Variants in ZNF385D observed in about 807,000 individuals in gnomAD.
ZNF385D encodes zinc finger protein 385D.
A neutral mutation model predicts 35.8 loss-of-function variants in ZNF385D; 15 were observed. The ratio of observed to expected loss-of-function variants is 0.42; its 90% CI spans 0.28 to 0.64. The LOEUF is 0.64. Ranked by LOEUF, ZNF385D falls within the 30% of genes least tolerant of loss-of-function variation. The pLI is 0.23. For missense variants in ZNF385D, 474 were observed against 494.6 expected (o/e 0.96, Z 0.39); for synonymous variants, 212 against 186.8 (o/e 1.13, Z -1.10).
chr3:21,804,172 A>G (rs564014854), intron 3 of ZNF385D, among the ~76,000 whole-genome samples: 5 of 152,350 alleles, frequency 3.3e-5, no homozygotes, highest in African/African-American at 1.2e-4. Flanking sequence ...TTTGGGCACA[A>G]GTATGATGAA....
At chr3:22,307,226 G>A (rs962888494) in intron 2 of ZNF385D, among the ~76,000 whole-genome samples, 2 of 152,118 alleles carry the variant, frequency 1.3e-5, no homozygotes, top group Admixed American at 1.3e-4. Flanking sequence ...AAGTGTTTGA[G>A]AGTCAGTTTA....
At chr3:22,256,067 A>T (rs572249253) in intron 2 of ZNF385D, among the ~76,000 whole-genome samples, 2 of 151,850 alleles carry the variant, frequency 1.3e-5, no homozygotes, top group South Asian at 4.2e-4. Context: ...TTCCCAGTCT[A>T]CATCTTTCTC....
intron 2 of ZNF385D, among the ~76,000 whole-genome samples, chr3:22,232,813 A>G (rs1698973193): frequency 6.6e-6 from 1 of 152,172 alleles, no homozygotes; most frequent in Non-Finnish European, 1.5e-5. Context: ...CTACAAGGAA[A>G]ATCTAGGCCA....
intron 3 of ZNF385D, among the ~76,000 whole-genome samples, chr3:22,071,294 G>C (rs191319768): frequency 6.6e-6 from 1 of 152,088 alleles, no homozygotes; most frequent in Non-Finnish European, 1.5e-5. Context: ...CTGTCCCAAA[G>C]TTGAAATCTT....
intron 3 of ZNF385D, among the ~76,000 whole-genome samples, chr3:21,862,520 G>C (rs909942025): frequency 2.0e-5 from 3 of 152,058 alleles, no homozygotes; most frequent in African/African-American, 7.2e-5. Context: ...AAATAAGGAA[G>C]CCATGGCAAC....
intron 3 of ZNF385D, among the ~76,000 whole-genome samples, chr3:22,038,241 A>G (rs1698457709): frequency 6.6e-6 from 1 of 152,166 alleles, no homozygotes; most frequent in African/African-American, 2.4e-5. Flanking sequence ...TAAAACATTC[A>G]AGAAAGATAA....
At chr3:21,749,324 G>A (rs1363795454) in intron 1 of ZNF385D, among the ~76,000 whole-genome samples, 3 of 152,214 alleles carry the variant, frequency 2.0e-5, no homozygotes, top group Admixed American at 1.3e-4. Flanking sequence ...CAGCATGGAT[G>A]GCCTTTGACC....
intron 3 of ZNF385D, among the ~76,000 whole-genome samples, chr3:21,878,412 C>G (rs527446735): frequency 6.6e-6 from 1 of 152,096 alleles, no homozygotes; most frequent in South Asian, 2.1e-4. Context: ...AGTGCTACAG[C>G]AGTATGAAGG....
Position 22,274,180 on chromosome 3 carries a change from C to T in ZNF385D, c.106+98270G>A, listed in dbSNP as rs749802176. On this transcript the variant is annotated intron_variant, in intron 2 of 5. Transcript: ENST00000494108. ...TCCCTCCATTTTTAGTTCAACAAAACAAGTTCAATCAGAATATAGCACTTA... is the reference window on the plus strand; with the variant it reads ...TCCCTCCATTTTTAGTTCAACAAAATAAGTTCAATCAGAATATAGCACTTA... Among the ~76,000 whole-genome samples the T allele has an allele frequency of 5.9e-5, 9 of 151,810 alleles. 1 individual carries two copies. The South Asian group carries it at 1.7e-3, about 28-fold the overall frequency.
At chr3:21,670,780 C>T (rs1018277866) in intron 1 of ZNF385D, among the ~76,000 whole-genome samples, 1 of 150,006 alleles carries the variant, frequency 6.7e-6, no homozygotes, top group Admixed American at 6.7e-5. Context: ...CTTATACCCC[C>T]TCCCTCACTA....
chr3:21,886,906 A>G (rs955309723), intron 3 of ZNF385D, among the ~76,000 whole-genome samples: 4 of 152,102 alleles, frequency 2.6e-5, no homozygotes, highest in African/African-American at 7.2e-5. Context: ...CCCATTACAT[A>G]CTTTCATTCA....
chr3:22,182,864 A>T (rs910790056), intron 2 of ZNF385D, among the ~76,000 whole-genome samples: 2 of 152,086 alleles, frequency 1.3e-5, no homozygotes, highest in Non-Finnish European at 2.9e-5. Flanking sequence ...TTTCATATGT[A>T]GGAGACTTTA....
intron 4 of ZNF385D, among the ~76,000 whole-genome samples, chr3:21,450,774 T>A (rs1351423747): frequency 6.6e-6 from 1 of 152,188 alleles, no homozygotes; most frequent in Non-Finnish European, 1.5e-5. Flanking sequence ...GATATGTGCA[T>A]TTCTAGCACT....
At chr3:21,475,384 T>C (rs1360356671) in intron 4 of ZNF385D, among the ~76,000 whole-genome samples, 3 of 152,116 alleles carry the variant, frequency 2.0e-5, no homozygotes, top group Non-Finnish European at 4.4e-5. Context: ...TAATTTCATG[T>C]ATGAAATAAA....
chr3:21,863,872 A>G (rs971415378), intron 3 of ZNF385D, among the ~76,000 whole-genome samples: 5 of 152,144 alleles, frequency 3.3e-5, no homozygotes, highest in Non-Finnish European at 7.4e-5. Flanking sequence ...AAATATGAAC[A>G]TAATGAGTTT....
chr3:21,586,003 T>C (rs1242854530), intron 2 of ZNF385D, among the ~76,000 whole-genome samples: 2 of 149,292 alleles, frequency 1.3e-5, no homozygotes, highest in South Asian at 2.1e-4. Flanking sequence ...ACCCCATCTC[T>C]ACAAAATTAA....
intron 2 of ZNF385D, among the ~76,000 whole-genome samples, chr3:22,235,350 T>C (rs1225282915): frequency 6.6e-6 from 1 of 152,050 alleles, no homozygotes; most frequent in African/African-American, 2.4e-5. Flanking sequence ...CATGTGTTTG[T>C]AATACTGAAA....
intron 3 of ZNF385D, among the ~76,000 whole-genome samples, chr3:21,973,812 T>G (rs575129540): frequency 6.6e-6 from 1 of 151,988 alleles, no homozygotes; most frequent in African/African-American, 2.4e-5. Context: ...ATCAAAAAAC[T>G]AATCTCATTT....
rs879933797 is a variant in ZNF385D at position 21,987,114 on chromosome 3, CTT to C, written c.325+181701_325+181702del. Among the ~76,000 whole-genome samples, 966 of 123,744 alleles carry C rather than the reference CTT, an allele frequency of 7.8e-3. 14 individuals are homozygous for C. Among genetic ancestry groups the C allele is most frequent in the African/African-American group, 0.026 (751 of 28,736 alleles). The allele number at this position is 123,744 out of a possible 152,430, so 81.2% of individuals were successfully genotyped here. ...TACAGCACACTGATGGGTCTTGACT[CTT>C]TATCCAACTTGCCAGTCTGTGTCTT... On this transcript the variant is annotated intron_variant, in intron 3 of 5. Coordinates refer to the ZNF385D transcript ENST00000494108.
Sources: allele counts gnomAD v4.1 joint callset (sites outside exome capture counted in the v4.1 genomes callset), GRCh38; gene constraint gnomAD v4.1.1; transcripts MANE v1.5; gene names NCBI Gene and HGNC (gene_info 2026-07-23, HGNC 2026-07-21).